TBCEL: variants seen among roughly 807,000 people sequenced by gnomAD.
The protein encoded by TBCEL is tubulin-specific chaperone cofactor E-like protein.
TBCEL carries 15 observed loss-of-function variants against 44.2 expected under a neutral mutation model. The observed-to-expected ratio is 0.34, with a 90% confidence interval of 0.23 to 0.52. TBCEL has a LOEUF of 0.52. TBCEL is among the 20% of genes least tolerant of loss of function. TBCEL has a pLI of 0.95. For synonymous variants in TBCEL, 171 were observed against 185.4 expected (o/e 0.92, Z 0.63); for missense variants, 319 against 506.3 (o/e 0.63, Z 3.55).
intron 6 of TBCEL, chr11:121,057,575 A>C (rs1259937224): frequency 2.2e-6 from 1 of 454,818 alleles, no homozygotes; most frequent in African/African-American, 2.0e-5. Flanking sequence ...TCATCCATGC[A>C]TTCAACCAAC....
intron 4 of TBCEL, among the ~76,000 whole-genome samples, chr11:121,051,039 T>A (rs1945519894): frequency 6.6e-6 from 1 of 151,818 alleles, no homozygotes; most frequent in African/African-American, 2.4e-5. Context: ...CTGAGTCTTA[T>A]CAATTTGAGG....
chr11:121,031,640 T>C (rs75018283), intron 1 of TBCEL, among the ~76,000 whole-genome samples: 3,899 of 151,294 alleles, frequency 0.026, 141 homozygotes, highest in African/African-American at 0.074. Context: ...TTTTGATGAT[T>C]GAAAGTATTT....
At chr11:121,075,020 A>G (rs1414745063) in intron 8 of TBCEL, among the ~76,000 whole-genome samples, 3 of 151,956 alleles carry the variant, frequency 2.0e-5, no homozygotes, top group Admixed American at 6.6e-5. Flanking sequence ...AGACTTCTCA[A>G]ACTAAAACAT....
intron 8 of TBCEL, among the ~76,000 whole-genome samples, chr11:121,060,524 A>T (rs1321989608): frequency 6.6e-6 from 1 of 152,096 alleles, no homozygotes; most frequent in African/African-American, 2.4e-5. Flanking sequence ...TGAGAAAAGG[A>T]CTGGAAAATA....
At chr11:121,071,048 G>T (rs1945921083) in intron 8 of TBCEL, among the ~76,000 whole-genome samples, 1 of 152,250 alleles carries the variant, frequency 6.6e-6, no homozygotes, top group South Asian at 2.1e-4. Flanking sequence ...ATTTCTCTGA[G>T]GGTATAGAAA....
intron 1 of TBCEL, among the ~76,000 whole-genome samples, chr11:121,025,558 C>T (rs549627886): frequency 6.6e-6 from 1 of 152,034 alleles, no homozygotes; most frequent in African/African-American, 2.4e-5. Flanking sequence ...CACCCTCTTG[C>T]ATTAAAAAAA....
At chr11:121,064,729 T>C (rs898984107) in intron 8 of TBCEL, among the ~76,000 whole-genome samples, 3 of 152,324 alleles carry the variant, frequency 2.0e-5, no homozygotes, top group East Asian at 3.9e-4. Context: ...GTAGGAAATG[T>C]CTTCTGGGTC....
At chr11:121,057,401 C>T (rs1211072734) in intron 6 of TBCEL, 3 of 308,718 alleles carry the variant, frequency 9.7e-6, no homozygotes, top group Non-Finnish European at 1.9e-5. Context: ...TACATTTTCT[C>T]ATAGCTATAA....
At chr11:121,080,097 G>A (rs965767687) in intron 8 of TBCEL, among the ~76,000 whole-genome samples, 3 of 152,158 alleles carry the variant, frequency 2.0e-5, no homozygotes, top group Admixed American at 1.3e-4. Flanking sequence ...GATTACAGGT[G>A]TGAGCCACCA....
In TBCEL at chr11:121,090,075, A is replaced by G. The variant is rs1247951722; in HGVS notation, c.*2979A>G. ...CAGCCTTTTGCCAGCATTGCCATAA[A>G]TACGTAAGAAAGCAGCAGATAGTAT... On this transcript the variant is annotated 3_prime_UTR_variant, in exon 9 of 9. Transcript: ENST00000683345. 6.6e-6 allele frequency: 1 copy of G among 152,208 alleles called. No individual in the cohort carries two copies. The highest frequency in any genetic ancestry group is 2.4e-5 in the African/African-American group (1 of 41,440). 9.4% of individuals were successfully genotyped at this position (152,208 alleles called of 1,614,324 possible).
At chr11:121,065,895 C>T (rs1012887534) in intron 8 of TBCEL, among the ~76,000 whole-genome samples, 39 of 152,204 alleles carry the variant, frequency 2.6e-4, no homozygotes, top group African/African-American at 8.4e-4. Context: ...ATGATATTTA[C>T]TGGCCTCTTC....
chr11:121,083,545 A>G (rs1370875440), intron 8 of TBCEL, among the ~76,000 whole-genome samples: 2 of 152,200 alleles, frequency 1.3e-5, no homozygotes, highest in African/African-American at 2.4e-5. Context: ...GTACTTGCCC[A>G]TTTATGGAAG....
intron 8 of TBCEL, among the ~76,000 whole-genome samples, chr11:121,062,005 A>T (rs1384334469): frequency 2.0e-5 from 3 of 152,130 alleles, no homozygotes; most frequent in African/African-American, 4.8e-5. Context: ...AACATTGTAC[A>T]GCTGTACCAA....
At chr11:121,046,918 G>T (rs1945440804) in intron 3 of TBCEL, among the ~76,000 whole-genome samples, 1 of 152,020 alleles carries the variant, frequency 6.6e-6, no homozygotes, top group East Asian at 1.9e-4. Context: ...TTTCATAAGG[G>T]ACAAATTCTG....
At chr11:121,054,405 C>T (rs74743018) in intron 5 of TBCEL, among the ~76,000 whole-genome samples, 2,573 of 151,956 alleles carry the variant, frequency 0.017, 77 homozygotes, top group African/African-American at 0.059. Flanking sequence ...TTCCTCACTG[C>T]ACCCAACACC....
Position 121,030,714 on chromosome 11 carries a change from A to G in TBCEL, c.-125-5791A>G, listed in dbSNP as rs533907900. Reference sequence around the variant, plus strand: ...CTGTTTTTGCCTTCCTGATCATACTATCCACTAAGGATACCACTATTCTGA... The same window carrying G: ...CTGTTTTTGCCTTCCTGATCATACTGTCCACTAAGGATACCACTATTCTGA... On this transcript the variant is annotated intron_variant, in intron 1 of 8. Transcript: ENST00000683345. 2.6e-5 allele frequency among the ~76,000 whole-genome samples: 4 copies of G among 152,302 alleles called. No individual in the cohort carries two copies. The South Asian group carries it at 6.2e-4, about 24-fold the overall frequency.
At chr11:121,056,613 G>A (rs1423116402) in intron 6 of TBCEL, among the ~76,000 whole-genome samples, 2 of 151,850 alleles carry the variant, frequency 1.3e-5, no homozygotes, top group Non-Finnish European at 2.9e-5. Context: ...CAGTTCAAGA[G>A]TTCCTCTTGC....
At chr11:121,035,399 C>G (rs1945213410) in intron 1 of TBCEL, 1 of 151,018 alleles carries the variant, frequency 6.6e-6, no homozygotes, top group Non-Finnish European at 1.5e-5. Flanking sequence ...CCAGTACTTA[C>G]TACCATTGGG....
In TBCEL at chr11:121,086,800, T is replaced by C. The variant is rs769972748; in HGVS notation, c.979T>C (p.Tyr327His). The C allele has an allele frequency of 6.2e-7, 1 of 1,613,660 alleles. No individual in the cohort carries two copies. The highest frequency in any genetic ancestry group is 8.5e-7 in the Non-Finnish European group (1 of 1,179,828). The change falls in exon 9 of 9, where the codon TAT becomes CAT. Residue 327 changes from tyrosine (Y) to histidine (H), a missense_variant. Coordinates refer to ENST00000683345, the MANE Select transcript of TBCEL (RefSeq NM_001363644.2). ...PFRYHELITK[Y>H]GKLEPLAEVD... ...TAGGTATCATGAACTGATCACTAAA[T>C]ATGGGAAGTTGGAGCCTTTGGCAGA...
Sources: allele counts gnomAD v4.1 joint callset (sites outside exome capture counted in the v4.1 genomes callset), GRCh38; gene constraint gnomAD v4.1.1; transcripts MANE v1.5; gene names NCBI Gene and HGNC (gene_info 2026-07-23, HGNC 2026-07-21).